The following BCAT2 variants were observed in gnomAD, a reference collection of about 807,000 sequenced individuals.
BCAT2 encodes the protein branched-chain-amino-acid aminotransferase, mitochondrial.
A neutral mutation model predicts 52.9 loss-of-function variants in BCAT2; 44 were observed. That is an observed-to-expected ratio of 0.83 (90% CI 0.65 to 1.07). BCAT2 has a LOEUF of 1.07. BCAT2 is among the 50% of genes least tolerant of loss of function. The pLI is 0.00. For synonymous variants in BCAT2, 215 were observed against 217.1 expected, an observed-to-expected ratio of 0.99 and a Z score of 0.08; for missense variants, 478 against 521.8, an observed-to-expected ratio of 0.92 and a Z score of 0.82.
rs770975922 is a variant in BCAT2 at position 48,800,236 on chromosome 19, CA to C, written c.361del (p.Trp121GlyfsTer86). On this transcript the variant is annotated frameshift_variant, in exon 4 of 11. Transcript: ENST00000316273. LOFTEE classifies it high-confidence loss of function. ...GCGCAGCATCCGGTCCATGTTGAGC[CA>C]GGGGCGGAAGAGGCGCACCTGCTGG... ...KDQQVRLFRP[W>X]LNMDRMLRSA... 6.2e-7 allele frequency: 1 copy of C among 1,613,902 alleles called. No homozygotes were observed. The highest frequency in any genetic ancestry group is 8.5e-7 in the Non-Finnish European group (1 of 1,180,024).
chr19:48,797,289 C>A lies in BCAT2; in HGVS notation c.740G>T (p.Arg247Leu). The A allele has an allele frequency of 6.2e-7, 1 of 1,614,128 alleles. No homozygotes were observed. The highest frequency in any genetic ancestry group is 2.2e-5 in the East Asian group (1 of 44,868). ...TVLVQQEALK[R>L]GCEQVLWLYG... ...CAGCCAGAGGACCTGTTCACAGCCC[C>A]GCTTGAGTGCCTCCTGTTGCACTAA... The change falls in exon 7 of 11, where the codon CGG (arginine) becomes CTG (leucine). Residue 247 changes from arginine (R) to leucine (L), a missense_variant. Arg to Leu is a moderately radical substitution (Grantham distance 102, BLOSUM62 -2). Coordinates refer to ENST00000316273, the MANE Select transcript of BCAT2 (RefSeq NM_001190.4).
Position 48,799,634 on chromosome 19 carries a change from C to T in BCAT2, c.695+41G>A, listed in dbSNP as rs1279261277. The T allele has an allele frequency of 6.6e-7, 1 of 1,520,110 alleles. No homozygotes were observed. Among genetic ancestry groups the T allele is most frequent in the African/African-American group, 1.4e-5 (1 of 71,866 alleles). 94.2% of individuals were successfully genotyped at this position (1,520,110 alleles called of 1,614,324 possible). A position where few individuals can be genotyped will look rare whatever the true frequency, so the allele number is the denominator to read the frequency against. ...CACGCTGGTCCCTGTGTCTCCAACG[C>T]CCAGTGCGCCAGTCGTTCTGGGGAT... On this transcript the variant is annotated intron_variant, in intron 6 of 10. Coordinates refer to ENST00000316273, the MANE Select transcript of BCAT2 (RefSeq NM_001190.4). The surrounding 1 kb of genome is among the most constrained non-coding windows in gnomAD (Gnocchi z 5.5).
chr19:48,810,702 C>T (rs1344228607), intron 1 of BCAT2: 8 of 898,658 alleles, frequency 8.9e-6, no homozygotes, highest in Middle Eastern at 4.4e-4. Context: ...CACCCCCACG[C>T]CTCCCTCATT....
In BCAT2 at chr19:48,807,785, T is replaced by C. The variant is rs2034824922; in HGVS notation, c.25-711A>G. 2.0e-6 allele frequency: 2 copies of C among 985,816 alleles called. No individual in the cohort carries two copies. The highest frequency in any genetic ancestry group is 3.5e-5 in the African/African-American group (2 of 57,344). The allele number at this position is 985,816 out of a possible 1,614,324, so 61.1% of individuals were successfully genotyped here. On this transcript the variant is annotated intron_variant, in intron 1 of 10. Transcript: ENST00000316273. The surrounding 1 kb of genome is among the most constrained non-coding windows in gnomAD (Gnocchi z 4.6). The stretch of plus-strand genomic sequence containing the variant: ...AATACAAACCCATTTTGGCAGTGAC[T>C]CCAATTCCCTTCAGCCCCTGGGGCT...
chr19:48,805,468 C>G (rs947096762), intron 3 of BCAT2, among the ~76,000 whole-genome samples: 1 of 152,130 alleles, frequency 6.6e-6, no homozygotes, highest in African/African-American at 2.4e-5. Context: ...AAGGCCCCAG[C>G]CCCTCAGCTC....
At chr19:48,808,482 C>A (rs1016181117) in intron 1 of BCAT2, among the ~76,000 whole-genome samples, 1 of 151,968 alleles carries the variant, frequency 6.6e-6, no homozygotes, top group African/African-American at 2.4e-5. Flanking sequence ...AGAGGCCACA[C>A]GCAGTGGCTC....
rs760932768 is a variant in BCAT2, at chr19:48,800,215, A to C, written c.383T>G (p.Leu128Arg). 1 of 1,613,808 alleles carries C rather than the reference A, an allele frequency of 6.2e-7. No individual in the cohort carries two copies. The change falls in exon 4 of 11, where the codon CTG becomes CGG. Residue 128 changes from leucine to arginine, a missense_variant. Coordinates refer to ENST00000316273, the MANE Select transcript of BCAT2 (RefSeq NM_001190.4). ...FRPWLNMDRM[L>R]RSAMRLCLPS... ...CAGGCACAGGCGCATGGCTGAGCGC[A>C]GCATCCGGTCCATGTTGAGCCAGGG...
In BCAT2 at chr19:48,807,380, C is replaced by T; in HGVS notation, c.25-306G>A. ...CTGGAGATCAGCTCAGACAAGAAAACAACCAGGGAAGGCACACAGGTAAGT... is the reference window on the plus strand; with the variant it reads ...CTGGAGATCAGCTCAGACAAGAAAATAACCAGGGAAGGCACACAGGTAAGT... On this transcript the variant is annotated intron_variant, in intron 1 of 10. Transcript: ENST00000316273. The surrounding 1 kb of genome is among the most constrained non-coding windows in gnomAD (Gnocchi z 4.6). The T allele has an allele frequency of 6.7e-6, 2 of 298,956 alleles. No individual in the cohort carries two copies. The highest frequency in any genetic ancestry group is 8.9e-5 in the East Asian group (1 of 11,248). The allele number at this position is 298,956 out of a possible 1,614,324, so 18.5% of individuals were successfully genotyped here.
Position 48,807,552 on chromosome 19 carries a change from A to T in BCAT2, c.25-478T>A. ...CCAGACTCTAGCTGCCTCCTCCCTC[A>T]GACCCGAAGTCTGGGCCCCCAGCCC... On this transcript the variant is annotated intron_variant, in intron 1 of 10. Coordinates refer to ENST00000316273, the MANE Select transcript of BCAT2 (RefSeq NM_001190.4). This position sits in a 1 kb window ranked among gnomAD's most constrained non-coding sequence, Gnocchi z 4.6. The T allele has an allele frequency of 3.9e-6, 1 of 258,412 alleles. No homozygotes were observed. The highest frequency in any genetic ancestry group is 6.1e-6 in the Non-Finnish European group (1 of 163,964). The allele number at this position is 258,412 out of a possible 1,614,324, so 16.0% of individuals were successfully genotyped here.
At position 48,799,597 on chromosome 19, in the gene BCAT2, G is replaced by A. The variant is rs1303763235; in HGVS notation, c.695+78C>T. 8 of 1,451,322 alleles carry A rather than the reference G, an allele frequency of 5.5e-6. No individual in the cohort carries two copies. The highest frequency in any genetic ancestry group is 1.4e-5 in the African/African-American group (1 of 70,434). The allele number at this position is 1,451,322 out of a possible 1,614,324, so 89.9% of individuals were successfully genotyped here. A position where few individuals can be genotyped will look rare whatever the true frequency, so the allele number is the denominator to read the frequency against. ...CCTTCATGTGACATCCAGAGGCATG[G>A]CCGAAAGCACGCACGCTGGTCCCTG... On this transcript the variant is annotated intron_variant, in intron 6 of 10. Coordinates refer to ENST00000316273, the MANE Select transcript of BCAT2 (RefSeq NM_001190.4). The surrounding 1 kb of genome is among the most constrained non-coding windows in gnomAD (Gnocchi z 5.5).
chr19:48,808,388 G>T, intron 1 of BCAT2: 1 of 467,392 alleles, frequency 2.1e-6, no homozygotes, highest in Non-Finnish European at 2.8e-6. Context: ...CACAGAAAGG[G>T]GCGCACAAAC....
In BCAT2 at chr19:48,807,699, C is replaced by G. The variant is rs2034823209; in HGVS notation, c.25-625G>C. On this transcript the variant is annotated intron_variant, in intron 1 of 10. Transcript: ENST00000316273. The surrounding 1 kb of genome is among the most constrained non-coding windows in gnomAD (Gnocchi z 4.6). ...GTTCCCCAGCCCCTCCTCCGCCAGA[C>G]CCAGGAGTACAGGTGCTTATTCTCT... The G allele has an allele frequency of 6.1e-6, 6 of 986,346 alleles. No homozygotes were observed. In the South Asian group the frequency reaches 2.7e-4, roughly 45 times the overall value. 61.1% of individuals were successfully genotyped at this position (986,346 alleles called of 1,614,324 possible). A position where few individuals can be genotyped will look rare whatever the true frequency, so the allele number is the denominator to read the frequency against.
At chr19:48,808,071 C>T (rs1428167421) in intron 1 of BCAT2, 43 of 987,114 alleles carry the variant, frequency 4.4e-5, no homozygotes, top group Admixed American at 6.1e-5. Context: ...GGAAGATGGA[C>T]GTGAATGGGC....
At chr19:48,808,385 A>T in intron 1 of BCAT2, 1 of 421,284 alleles carries the variant, frequency 2.4e-6, no homozygotes. Flanking sequence ...AAACACAGAA[A>T]GGGGCGCACA....
At chr19:48,795,611 G>A in intron 10 of BCAT2, 147 bp from the exon 11 acceptor site, 1 of 882,368 alleles carries the variant, frequency 1.1e-6, no homozygotes, top group Non-Finnish European at 1.8e-6. Context: ...CCCCAACAAT[G>A]ATGGGAACGG....
At chr19:48,804,582 C>T (rs551920771) in intron 3 of BCAT2, among the ~76,000 whole-genome samples, 1 of 152,078 alleles carries the variant, frequency 6.6e-6, no homozygotes, top group African/African-American at 2.4e-5. Context: ...AAAAATAATA[C>T]ACGTGGTCGG....
In BCAT2 at chr19:48,807,878, C is replaced by T; in HGVS notation, c.25-804G>A. The T allele has an allele frequency of 1.0e-6, 1 of 985,700 alleles. No homozygotes were observed. Among genetic ancestry groups the T allele is most frequent in the Non-Finnish European group, 1.2e-6 (1 of 830,114 alleles). The allele number at this position is 985,700 out of a possible 1,614,324, so 61.1% of individuals were successfully genotyped here. A position where few individuals can be genotyped will look rare whatever the true frequency, so the allele number is the denominator to read the frequency against. ...CTGCATGAGGCTCAGGCGGGTCCTC[C>T]CAGAGGGGAGTAGGAAGAGCAGGTC... is the stretch of plus-strand genomic sequence containing the variant. On this transcript the variant is annotated intron_variant, in intron 1 of 10. Coordinates refer to ENST00000316273, the MANE Select transcript of BCAT2 (RefSeq NM_001190.4). The surrounding 1 kb of genome is among the most constrained non-coding windows in gnomAD (Gnocchi z 4.6).
intron 1 of BCAT2, among the ~76,000 whole-genome samples, chr19:48,809,830 G>C (rs772445678): frequency 7.3e-5 from 11 of 150,006 alleles, no homozygotes; most frequent in Admixed American, 6.0e-4. Context: ...CTATGTTGCT[G>C]TCTAGGCCAG....
chr19:48,796,767 G>A (rs780613473), intron 8 of BCAT2, 49 bp from the exon 9 acceptor site: 3 of 1,594,464 alleles, frequency 1.9e-6, no homozygotes, highest in Admixed American at 3.4e-5. Flanking sequence ...TTGCCCTGCT[G>A]CAGACCTCCA....
Sources: allele counts gnomAD v4.1 joint callset (sites outside exome capture counted in the v4.1 genomes callset), GRCh38; gene constraint gnomAD v4.1.1; non-coding constraint Gnocchi (gnomAD v3.1); transcripts MANE v1.5; gene names NCBI Gene and HGNC (gene_info 2026-07-23, HGNC 2026-07-21).